PPM1L: variants seen among roughly 807,000 people sequenced by gnomAD.
The protein encoded by PPM1L is protein phosphatase 1L.
In PPM1L, 13 loss-of-function variants were observed where a neutral mutation model predicts 31.4. The ratio of observed to expected loss-of-function variants is 0.41; its 90% CI spans 0.27 to 0.66. The LOEUF is 0.66. Ranked by LOEUF, PPM1L falls within the 30% of genes least tolerant of loss-of-function variation. The pLI, the probability that PPM1L is intolerant of heterozygous loss-of-function variation, is 0.29. For missense variants in PPM1L, 326 were observed against 453.7 expected (o/e 0.72, Z 2.56); for synonymous variants, 184 against 175.4 (o/e 1.05, Z -0.39).
chr3:160,844,325 G>T (rs1714004571), intron 1 of PPM1L, among the ~76,000 whole-genome samples: 1 of 152,184 alleles, frequency 6.6e-6, no homozygotes, highest in African/African-American at 2.4e-5. Flanking sequence ...AGATACAGAA[G>T]AGAAGAAGTG....
intron 1 of PPM1L, among the ~76,000 whole-genome samples, chr3:160,871,553 A>G (rs1415205267): frequency 6.6e-6 from 1 of 152,240 alleles, no homozygotes; most frequent in Non-Finnish European, 1.5e-5. Flanking sequence ...TCTAAACAAG[A>G]GTAAATATGC....
At position 160,764,475 on chromosome 3, in the gene PPM1L, CTT is replaced by C. The variant is rs34120245; in HGVS notation, c.399+7778_399+7779del. On this transcript the variant is annotated intron_variant, in intron 1 of 3. Transcript: ENST00000498165. ...TTTAATTCTCCCTCTCTCTCTCTCT[CTT>C]TTTTTTTTTAAGACGGTGTCTTGTT... is the stretch of plus-strand genomic sequence containing the variant. 9.9e-3 allele frequency among the ~76,000 whole-genome samples: 851 copies of C among 85,588 alleles called. 11 individuals are homozygous for C. The highest frequency in any genetic ancestry group is 0.049 in the African/African-American group (793 of 16,128). The allele number at this position is 85,588 out of a possible 152,430, so 56.1% of individuals were successfully genotyped here.
intron 1 of PPM1L, among the ~76,000 whole-genome samples, chr3:160,812,739 A>G (rs1712849017): frequency 6.6e-6 from 1 of 152,096 alleles, no homozygotes; most frequent in African/African-American, 2.4e-5. Flanking sequence ...CCTTAGAGGA[A>G]GTGTTTAGTG....
intron 1 of PPM1L, among the ~76,000 whole-genome samples, chr3:160,958,702 G>T (rs1715859654): frequency 6.6e-6 from 1 of 152,082 alleles, no homozygotes. Context: ...AACAATGTTT[G>T]GTGATGTTAA....
intron 2 of PPM1L, among the ~76,000 whole-genome samples, chr3:161,006,389 G>A (rs1462697540): frequency 1.3e-5 from 2 of 152,166 alleles, no homozygotes; most frequent in African/African-American, 4.8e-5. Context: ...TGGGGATAGA[G>A]TTTCAGTTTT....
At chr3:160,761,762 C>T (rs909675651) in intron 1 of PPM1L, among the ~76,000 whole-genome samples, 4 of 152,162 alleles carry the variant, frequency 2.6e-5, no homozygotes, top group Non-Finnish European at 5.9e-5. Context: ...TATAGTTCCA[C>T]GTGGCTGGGG....
intron 2 of PPM1L, among the ~76,000 whole-genome samples, chr3:161,031,490 A>G (rs948344232): frequency 5.3e-4 from 54 of 102,440 alleles, no homozygotes; most frequent in Non-Finnish European, 5.8e-4. Flanking sequence ...AATGGCAGCT[A>G]TGTATTCTGT....
chr3:161,048,620 C>G (rs1335605545), intron 2 of PPM1L, among the ~76,000 whole-genome samples: 1 of 152,094 alleles, frequency 6.6e-6, no homozygotes, highest in Non-Finnish European at 1.5e-5. Context: ...GCTGTAAAGA[C>G]ACATGCACAC....
rs76762788 is a variant in PPM1L at position 161,028,434 on chromosome 3, G to A, written c.575-36969G>A. Among the ~76,000 whole-genome samples, 58 of 152,250 alleles carry A rather than the reference G, an allele frequency of 3.8e-4. 1 individual carries two copies. The South Asian group carries it at 0.01, about 27-fold the overall frequency. On this transcript the variant is annotated intron_variant, in intron 2 of 3. Coordinates refer to ENST00000498165, the MANE Select transcript of PPM1L (RefSeq NM_139245.4). ...GTGGGTGTGAGTGAGACAATCTTAG[G>A]CAAGTATGGCAGGAGAAAAGAAAGC...
At chr3:160,820,928 A>C (rs1713180939) in intron 1 of PPM1L, among the ~76,000 whole-genome samples, 5 of 152,098 alleles carry the variant, frequency 3.3e-5, no homozygotes, top group Admixed American at 3.3e-4. Context: ...ATTTCTGAGT[A>C]ATAAGATATA....
intron 2 of PPM1L, among the ~76,000 whole-genome samples, chr3:160,962,285 T>C (rs1715993701): frequency 2.0e-5 from 3 of 151,476 alleles, no homozygotes; most frequent in South Asian, 4.2e-4. Flanking sequence ...TCTAAAGAGG[T>C]ATTTTTTTTT....
At chr3:160,841,025 AG>A (rs1713863114) in intron 1 of PPM1L, among the ~76,000 whole-genome samples, 1 of 152,168 alleles carries the variant, frequency 6.6e-6, no homozygotes, top group Non-Finnish European at 1.5e-5. Flanking sequence ...AATCTAGTCA[AG>A]TTGACACCTA....
rs1181116738 is a variant in PPM1L at position 161,071,957 on chromosome 3, TC to T, written c.*2804del. On this transcript the variant is annotated 3_prime_UTR_variant, in exon 4 of 4. Transcript: ENST00000498165. Reference sequence around the variant, plus strand: ...TAGCTCGAGTTCGAATTGCCAATAGTCCCCATGGTGCCAAATTTTGGGATGG... The same window carrying T: ...TAGCTCGAGTTCGAATTGCCAATAGTCCCATGGTGCCAAATTTTGGGATGG... 6.6e-6 allele frequency: 1 copy of T among 152,126 alleles called. No homozygotes were observed. Among genetic ancestry groups the T allele is most frequent in the Non-Finnish European group, 1.5e-5 (1 of 68,030 alleles). 9.4% of individuals were successfully genotyped at this position (152,126 alleles called of 1,614,324 possible). A position where few individuals can be genotyped will look rare whatever the true frequency, so the allele number is the denominator to read the frequency against.
At chr3:160,958,352 G>C (rs188728735) in intron 1 of PPM1L, among the ~76,000 whole-genome samples, 2 of 152,222 alleles carry the variant, frequency 1.3e-5, no homozygotes, top group Admixed American at 1.3e-4. Context: ...TAAGGAAGGG[G>C]TCCAGTTTCA....
chr3:161,044,700 G>T (rs995282560), intron 2 of PPM1L, among the ~76,000 whole-genome samples: 2 of 152,146 alleles, frequency 1.3e-5, no homozygotes, highest in East Asian at 3.9e-4. Flanking sequence ...ATGCTAAGAA[G>T]AAACTGCATC....
intron 1 of PPM1L, among the ~76,000 whole-genome samples, chr3:160,905,696 A>G (rs559650021): frequency 1.3e-3 from 202 of 152,292 alleles, no homozygotes; most frequent in African/African-American, 4.8e-3. Context: ...CAAAATCTAC[A>G]GATTGAAATA....
chr3:160,768,817 A>G (rs1715176062), intron 1 of PPM1L, among the ~76,000 whole-genome samples: 1 of 152,198 alleles, frequency 6.6e-6, no homozygotes, highest in African/African-American at 2.4e-5. Context: ...TATCTCACAT[A>G]ACAAAAGGCC....
At chr3:160,842,819 G>A (rs955957341) in intron 1 of PPM1L, among the ~76,000 whole-genome samples, 2 of 152,134 alleles carry the variant, frequency 1.3e-5, no homozygotes, top group Admixed American at 6.6e-5. Flanking sequence ...CCTGGCCTGC[G>A]GAGGATTGTT....
Position 160,926,173 on chromosome 3 carries a change from C to T in PPM1L, c.400-35563C>T, listed in dbSNP as rs139149624. ...CTGCCCCTTTGCCCCTTTCCTCTAG[C>T]GTCTTTTTCTCTGTGGATTCATAAT... On this transcript the variant is annotated intron_variant, in intron 1 of 3. Coordinates refer to ENST00000498165, the MANE Select transcript of PPM1L (RefSeq NM_139245.4). 2.3e-3 allele frequency among the ~76,000 whole-genome samples: 355 copies of T among 152,242 alleles called. 2 individuals carry two copies. The highest frequency in any genetic ancestry group is 0.01 in the Middle Eastern group (3 of 294).
Sources: gnomAD v4.1 joint callset for allele counts (sites outside exome capture counted in the v4.1 genomes callset) on GRCh38, gnomAD v4.1.1 for gene constraint, MANE v1.5 for transcripts, NCBI Gene and HGNC (gene_info 2026-07-23, HGNC 2026-07-21) for gene names.